LDLRAD3: variants seen among roughly 807,000 people sequenced by gnomAD.
The protein encoded by LDLRAD3 is low density lipoprotein receptor class A domain containing 3.
Under a neutral mutation model 29.4 loss-of-function variants are expected in LDLRAD3, and 20 were observed. The ratio of observed to expected loss-of-function variants is 0.68; its 90% CI spans 0.48 to 0.99. LDLRAD3 has a LOEUF of 0.99. LDLRAD3 is among the 50% of genes least tolerant of loss of function. The probability of loss-of-function intolerance (pLI) is 0.00; values close to 1 mark genes in which losing one functional copy is unlikely to be tolerated. For synonymous variants in LDLRAD3, 157 were observed against 192.7 expected (o/e 0.81, Z 1.53); for missense variants, 420 against 454.3 (o/e 0.92, Z 0.69).
intron 1 of LDLRAD3, chr11:35,967,875 G>C (rs969824003): frequency 2.5e-6 from 1 of 398,730 alleles, no homozygotes; most frequent in Non-Finnish European, 4.9e-6. Flanking sequence ...GCCTGTAAGG[G>C]GTAGTAATGT....
chr11:36,085,383 G>C, intron 3 of LDLRAD3, among the ~76,000 whole-genome samples: 1 of 147,618 alleles, frequency 6.8e-6, no homozygotes, highest in Non-Finnish European at 1.5e-5. Context: ...TCATCAGTTA[G>C]ATCATAGCGT....
At chr11:36,069,139 C>T (rs945710453) in intron 2 of LDLRAD3, among the ~76,000 whole-genome samples, 1 of 152,164 alleles carries the variant, frequency 6.6e-6, no homozygotes, top group African/African-American at 2.4e-5. Context: ...TTGCAACAAG[C>T]AAAGGACTTT....
intron 2 of LDLRAD3, among the ~76,000 whole-genome samples, chr11:36,077,485 C>T (rs1200131832): frequency 6.6e-6 from 1 of 152,332 alleles, no homozygotes; most frequent in South Asian, 2.1e-4. Context: ...AGATCCCATA[C>T]CTGCCAAGGG....
chr11:36,041,340 A>G (rs529130786), intron 2 of LDLRAD3, among the ~76,000 whole-genome samples: 75 of 152,204 alleles, frequency 4.9e-4, no homozygotes, highest in Non-Finnish European at 6.3e-4. Context: ...GAGCGATTAC[A>G]TGGAGCTTGC....
chr11:36,097,593 C>A (rs550592347), intron 3 of LDLRAD3, among the ~76,000 whole-genome samples: 243 of 152,086 alleles, frequency 1.6e-3, no homozygotes, highest in Non-Finnish European at 2.7e-3. Flanking sequence ...TAACAGAGAC[C>A]AGAGACTTGG....
At chr11:35,947,613 TGCTCATTACTTTAA>T (rs1851074362) in intron 1 of LDLRAD3, among the ~76,000 whole-genome samples, 1 of 152,198 alleles carries the variant, frequency 6.6e-6, no homozygotes, top group African/African-American at 2.4e-5. Context: ...TGAGATGCTT[TGCTCATTACTTTAA>T]GCACATGATC....
At chr11:36,001,758 CGTGTGTGT>C (rs3220787) in intron 1 of LDLRAD3, among the ~76,000 whole-genome samples, 40,433 of 148,334 alleles carry the variant, frequency 0.27, 5,605 homozygotes, top group South Asian at 0.4. Flanking sequence ...ATATTGTATA[CGTGTGTGT>C]GTGTGTGTGT....
rs1400587552 is a variant in LDLRAD3, at chr11:36,197,184, C to T, written c.455-29901C>T. 3 of 152,176 alleles carry T rather than the reference C, an allele frequency of 2.0e-5. No individual in the cohort carries two copies. The East Asian group carries it at 5.8e-4, about 29-fold the overall frequency. The allele number at this position is 152,176 out of a possible 1,614,324, so 9.4% of individuals were successfully genotyped here. ...CTGTCTGAAAAAGAACACTTCTTTC[C>T]AGAAAACTCTGTTTTTTCAGAACGA... On this transcript the variant is annotated intron_variant, in intron 4 of 5. Transcript: ENST00000315571.
intron 3 of LDLRAD3, among the ~76,000 whole-genome samples, chr11:36,087,388 AG>A (rs1164493399): frequency 5.3e-5 from 8 of 152,236 alleles, no homozygotes; most frequent in Non-Finnish European, 7.3e-5. Context: ...AAGTATATAA[AG>A]AGATTATGTG....
intron 4 of LDLRAD3, among the ~76,000 whole-genome samples, chr11:36,169,026 C>G (rs963098625): frequency 1.3e-5 from 2 of 152,048 alleles, no homozygotes; most frequent in Admixed American, 1.3e-4. Flanking sequence ...TAGGAGTCAC[C>G]CTGCTTTTTT....
chr11:36,093,037 G>A (rs1853306880), intron 3 of LDLRAD3, among the ~76,000 whole-genome samples: 1 of 152,182 alleles, frequency 6.6e-6, no homozygotes, highest in Admixed American at 6.5e-5. Flanking sequence ...CAAGGATATA[G>A]CTATGTCTCC....
intron 4 of LDLRAD3, among the ~76,000 whole-genome samples, chr11:36,142,927 G>A (rs2133317158): frequency 6.6e-6 from 1 of 152,264 alleles, no homozygotes; most frequent in African/African-American, 2.4e-5. Flanking sequence ...GGAACCCAGG[G>A]GAAAAGAGGC....
intron 1 of LDLRAD3, among the ~76,000 whole-genome samples, chr11:35,961,053 T>C (rs570321979): frequency 2.1e-4 from 32 of 152,306 alleles, no homozygotes; most frequent in Admixed American, 1.0e-3. Context: ...ACTGTTGGCA[T>C]GGCATGAACG....
chr11:36,231,202 G>C lies in LDLRAD3; in HGVS notation c.*1805G>C, dbSNP rs1026726795. 1 of 152,330 alleles carries C rather than the reference G, an allele frequency of 6.6e-6. No individual in the cohort carries two copies. The highest frequency in any genetic ancestry group is 2.4e-5 in the African/African-American group (1 of 41,358). 9.4% of individuals were successfully genotyped at this position (152,330 alleles called of 1,614,324 possible). A position where few individuals can be genotyped will look rare whatever the true frequency, so the allele number is the denominator to read the frequency against. ...GGAAGTGGGGCTAAAGTGGCATTCA[G>C]TGATCCTGTTCTGTAGACTTTTCTT... is the stretch of plus-strand genomic sequence containing the variant. On this transcript the variant is annotated 3_prime_UTR_variant, in exon 6 of 6. Transcript: ENST00000315571.
rs555700922 is a variant in LDLRAD3 at position 36,077,456 on chromosome 11, C to T, written c.194-4197C>T. On this transcript the variant is annotated intron_variant, in intron 2 of 5. Coordinates refer to ENST00000315571, the MANE Select transcript of LDLRAD3 (RefSeq NM_174902.4). Reference sequence around the variant, plus strand: ...CCTACTTGACCTGGCAGGCTGCGTTCGGCTCCCACTACCAGCCTAGATCCC... The same window carrying T: ...CCTACTTGACCTGGCAGGCTGCGTTTGGCTCCCACTACCAGCCTAGATCCC... Among the ~76,000 whole-genome samples, 18 of 152,290 alleles carry T rather than the reference C, an allele frequency of 1.2e-4. No individual in the cohort carries two copies. In the East Asian group the frequency reaches 1.4e-3, roughly 11 times the overall value.
chr11:36,016,170 G>A (rs1174884677), intron 1 of LDLRAD3, among the ~76,000 whole-genome samples: 1 of 152,250 alleles, frequency 6.6e-6, no homozygotes, highest in Non-Finnish European at 1.5e-5. Flanking sequence ...GGGGAGAAGT[G>A]TGGCTGTGGA....
At chr11:36,176,455 T>C (rs1008570777) in intron 4 of LDLRAD3, among the ~76,000 whole-genome samples, 8 of 135,654 alleles carry the variant, frequency 5.9e-5, no homozygotes, top group Non-Finnish European at 1.1e-4. Context: ...TATTTCAAGG[T>C]TTTTTTTTTT....
chr11:36,055,990 C>CTT (rs67731567), intron 2 of LDLRAD3, among the ~76,000 whole-genome samples: 41,817 of 95,318 alleles, frequency 0.44, 10,271 homozygotes, highest in Non-Finnish European at 0.53. Context: ...ACAGCTTGCC[C>CTT]TTTTTTTTTT....
At chr11:35,964,938 T>C (rs981701394) in intron 1 of LDLRAD3, among the ~76,000 whole-genome samples, 4 of 151,246 alleles carry the variant, frequency 2.6e-5, no homozygotes, top group African/African-American at 9.7e-5. Context: ...TGCAGTGAGC[T>C]GTGATTATGC....
Sources: gnomAD v4.1 joint callset for allele counts (sites outside exome capture counted in the v4.1 genomes callset) on GRCh38, gnomAD v4.1.1 for gene constraint, MANE v1.5 for transcripts, NCBI Gene and HGNC (gene_info 2026-07-23, HGNC 2026-07-21) for gene names.